The following RAB18 variants were observed in gnomAD, a reference collection of about 807,000 sequenced individuals.
RAB18 encodes ras-related protein Rab-18.
A neutral mutation model predicts 28.5 loss-of-function variants in RAB18; 10 were observed. The ratio of observed to expected loss-of-function variants is 0.35; its 90% CI spans 0.22 to 0.60. The LOEUF is 0.60. Among genes scored for constraint, RAB18 ranks in the 20% least tolerant of loss-of-function variants. The probability of loss-of-function intolerance (pLI) is 0.78; values close to 1 mark genes in which losing one functional copy is unlikely to be tolerated. For synonymous variants in RAB18, 93 were observed against 86.9 expected, an observed-to-expected ratio of 1.07 and a Z score of -0.39; for missense variants, 188 against 244.2, an observed-to-expected ratio of 0.77 and a Z score of 1.53.
chr10:27,522,028 G>T (rs935159046), intron 2 of RAB18, among the ~76,000 whole-genome samples: 1 of 152,000 alleles, frequency 6.6e-6, no homozygotes, highest in African/African-American at 2.4e-5. Flanking sequence ...CCTTTGTAAT[G>T]AAACTGTAAT....
chr10:27,529,657 A>T (rs1196043520), intron 3 of RAB18, among the ~76,000 whole-genome samples: 1 of 151,968 alleles, frequency 6.6e-6, no homozygotes, highest in African/African-American at 2.4e-5. Flanking sequence ...CCCATCAGAA[A>T]ATAAAACTAC....
intron 2 of RAB18, 186 bp downstream of exon 2, chr10:27,510,116 G>A: frequency 1.6e-6 from 1 of 615,640 alleles, no homozygotes; most frequent in East Asian, 2.8e-5. Context: ...ATCTTACCAA[G>A]AGAAAATAAC....
chr10:27,519,740 A>G (rs1834509219), intron 2 of RAB18, among the ~76,000 whole-genome samples: 1 of 152,132 alleles, frequency 6.6e-6, no homozygotes, highest in African/African-American at 2.4e-5. Context: ...CTAAGAGGTC[A>G]GTTCTCCCCA....
rs531039207 is a variant in RAB18 at position 27,520,819 on chromosome 10, G to C, written c.125-6009G>C. On this transcript the variant is annotated intron_variant, in intron 2 of 6. Transcript: ENST00000356940. ...GTAATCCCAGCTACTAGGGAGGCTG[G>C]GATGAGTAAACCACTTGAACCCAGG... Among the ~76,000 whole-genome samples the C allele has an allele frequency of 4.0e-3, 594 of 146,826 alleles. 3 individuals are homozygous for C. Among genetic ancestry groups the C allele is most frequent in the African/African-American group, 0.014 (556 of 39,996 alleles).
chr10:27,513,029 TA>T (rs1834355344), intron 2 of RAB18, among the ~76,000 whole-genome samples: 1 of 140,436 alleles, frequency 7.1e-6, no homozygotes, highest in African/African-American at 2.7e-5. Flanking sequence ...TATATATATA[TA>T]TATTTTTTTT....
At chr10:27,504,806 G>A (rs1404866217) in intron 1 of RAB18, 5 of 499,180 alleles carry the variant, frequency 1.0e-5, no homozygotes, top group African/African-American at 7.8e-5. Flanking sequence ...AACCTCTCGG[G>A]GTTCAGGCTG....
intron 1 of RAB18, 98 bp from the exon 2 acceptor site, chr10:27,509,777 T>C (rs1378590731): frequency 1.0e-6 from 1 of 979,160 alleles, no homozygotes; most frequent in East Asian, 2.4e-5. Flanking sequence ...GTTATTTTTA[T>C]CTGCATCTAA....
In RAB18 at chr10:27,531,618, AAGC is replaced by A. The variant is rs945856041; in HGVS notation, c.187-887_187-885del. The A allele has an allele frequency of 7.6e-5, 63 of 826,622 alleles. No individual in the cohort carries two copies. In the African/African-American group the frequency reaches 1.1e-3, roughly 14 times the overall value. The allele number at this position is 826,622 out of a possible 1,614,324, so 51.2% of individuals were successfully genotyped here. A position where few individuals can be genotyped will look rare whatever the true frequency, so the allele number is the denominator to read the frequency against. ...TGAAGTGGGCCATGTGGCAATACGT[AAGC>A]AAATAGGCCTGCTGTGTTTCAATAA... On this transcript the variant is annotated intron_variant, in intron 3 of 6. Transcript: ENST00000356940.
At position 27,538,602 on chromosome 10, in the gene RAB18, C is replaced by CT. The variant is rs1254332728; in HGVS notation, c.*552dup. 3 of 454,266 alleles carry CT rather than the reference C, an allele frequency of 6.6e-6. No homozygotes were observed. Among genetic ancestry groups the CT allele is most frequent in the African/African-American group, 4.0e-5 (2 of 49,970 alleles). 28.1% of individuals were successfully genotyped at this position (454,266 alleles called of 1,614,324 possible). ...CCCAGGCCAATTTATAACTAAATCT[C>CT]TATTTGTTCGGATGATGCTTCTAAA... On this transcript the variant is annotated 3_prime_UTR_variant, in exon 7 of 7. Transcript: ENST00000356940.
At chr10:27,519,053 A>C (rs985111222) in intron 2 of RAB18, among the ~76,000 whole-genome samples, 1 of 152,088 alleles carries the variant, frequency 6.6e-6, no homozygotes, top group Non-Finnish European at 1.5e-5. Context: ...CTTTTGAAAA[A>C]TTATCAGTTG....
intron 2 of RAB18, among the ~76,000 whole-genome samples, chr10:27,525,914 G>T (rs1205338969): frequency 6.6e-6 from 1 of 152,148 alleles, no homozygotes; most frequent in Non-Finnish European, 1.5e-5. Flanking sequence ...AATTAATTGT[G>T]ACAAGCTAAT....
intron 2 of RAB18, among the ~76,000 whole-genome samples, chr10:27,522,733 A>G (rs555994947): frequency 1.3e-5 from 2 of 152,092 alleles, no homozygotes; most frequent in East Asian, 3.9e-4. Context: ...ATTTCAGTAA[A>G]TTCTGGTAGC....
intron 1 of RAB18, among the ~76,000 whole-genome samples, chr10:27,508,682 A>G (rs568188626): frequency 6.6e-6 from 1 of 152,320 alleles, no homozygotes; most frequent in South Asian, 2.1e-4. Context: ...TTTTATGGTA[A>G]ACACAAGAAA....
rs750666780 is a variant in RAB18 at position 27,533,985 on chromosome 10, T to C, written c.436T>C (p.Leu146=). 9.4e-6 allele frequency: 15 copies of C among 1,597,830 alleles called. No individual in the cohort carries two copies. In the South Asian group the frequency reaches 1.4e-4, roughly 15 times the overall value. Residue 146 remains leucine (L), a synonymous_variant, in exon 6 of 7, where the codon TTA becomes CTA. Coordinates refer to ENST00000356940, the MANE Select transcript of RAB18 (RefSeq NM_021252.5). ...GLKFARKHSM[L]FIEASAKTCD... The stretch of plus-strand genomic sequence containing the variant: ...GAAATTTGCACGAAAGCATTCCATG[T>C]TATTTATAGGTAGGTGTGTGAATGA...
intron 2 of RAB18, among the ~76,000 whole-genome samples, chr10:27,515,879 G>C (rs1309284807): frequency 6.6e-6 from 1 of 151,988 alleles, no homozygotes; most frequent in Non-Finnish European, 1.5e-5. Context: ...TCTTAGAATA[G>C]TCTTGGGAGT....
intron 1 of RAB18, among the ~76,000 whole-genome samples, chr10:27,507,032 T>C (rs1837859792): frequency 6.6e-6 from 1 of 152,202 alleles, no homozygotes. Context: ...TCTTAAACAC[T>C]CTGGATAAGA....
chr10:27,518,210 A>G (rs544827345), intron 2 of RAB18, among the ~76,000 whole-genome samples: 2 of 152,282 alleles, frequency 1.3e-5, no homozygotes, highest in East Asian at 3.9e-4. Context: ...CAGGTATAGG[A>G]TTTTGTATGA....
chr10:27,537,324 G>C (rs1454810669), intron 6 of RAB18, among the ~76,000 whole-genome samples: 3 of 152,188 alleles, frequency 2.0e-5, no homozygotes, highest in Non-Finnish European at 4.4e-5. Context: ...CAGACGGTGA[G>C]AAAGATCATC....
intron 1 of RAB18, among the ~76,000 whole-genome samples, chr10:27,509,581 A>C (rs1214669375): frequency 1.3e-5 from 2 of 152,194 alleles, no homozygotes; most frequent in Non-Finnish European, 2.9e-5. Context: ...ATACCAGAAC[A>C]GTTAAAAAAC....
Sources: gnomAD v4.1 joint callset for allele counts (sites outside exome capture counted in the v4.1 genomes callset) on GRCh38, gnomAD v4.1.1 for gene constraint, MANE v1.5 for transcripts, NCBI Gene and HGNC (gene_info 2026-07-23, HGNC 2026-07-21) for gene names.